The following POFUT3 variants were observed in gnomAD, a reference collection of about 807,000 sequenced individuals.
POFUT3 encodes the protein protein O-fucosyltransferase 3.
At chr8:33,403,413 T>G in the POFUT3 span, among the ~76,000 whole-genome samples, 17 of 152,104 alleles carry the variant, frequency 1.1e-4, no homozygotes, top group Non-Finnish European at 2.2e-4. Flanking sequence ...TACTGATATG[T>G]CTTGAGAAAA....
At chr8:33,422,046 A>C in the POFUT3 span, among the ~76,000 whole-genome samples, 1 of 151,594 alleles carries the variant, frequency 6.6e-6, no homozygotes, top group African/African-American at 2.4e-5. Context: ...AAAAACAAAA[A>C]CAAAAAAAAA....
chr8:33,312,441 G>C, the POFUT3 span, among the ~76,000 whole-genome samples: 2 of 151,980 alleles, frequency 1.3e-5, no homozygotes, highest in African/African-American at 4.8e-5. Flanking sequence ...TTCTTCCCTA[G>C]GCCTTTAAAG....
At chr8:33,419,135 A>G in the POFUT3 span, among the ~76,000 whole-genome samples, 1 of 152,228 alleles carries the variant, frequency 6.6e-6, no homozygotes, top group African/African-American at 2.4e-5. Flanking sequence ...AATGAGGTAG[A>G]AAGAATAAAT....
the POFUT3 span, among the ~76,000 whole-genome samples, chr8:33,447,378 G>A: frequency 1.3e-5 from 2 of 152,112 alleles, no homozygotes; most frequent in African/African-American, 2.4e-5. Context: ...GAACTTGGGA[G>A]GCGGAGCTTG....
the POFUT3 span, among the ~76,000 whole-genome samples, chr8:33,380,272 G>C: frequency 7.1e-5 from 8 of 113,386 alleles, no homozygotes; most frequent in Non-Finnish European, 1.3e-4. Context: ...AGAAAAGGGA[G>C]ACAATATGCA....
chr8:33,375,723 ATAGAG>A, the POFUT3 span, among the ~76,000 whole-genome samples: 1 of 152,198 alleles, frequency 6.6e-6, no homozygotes, highest in Non-Finnish European at 1.5e-5. Context: ...ACTTAGAAAC[ATAGAG>A]TAAATAGGCC....
chr8:33,367,254 C>T, the POFUT3 span, among the ~76,000 whole-genome samples: 21 of 152,296 alleles, frequency 1.4e-4, no homozygotes, highest in South Asian at 2.7e-3. Flanking sequence ...GCAAGGAACA[C>T]CTGGTCCGCC....
the POFUT3 span, among the ~76,000 whole-genome samples, chr8:33,357,373 T>C: frequency 7.2e-5 from 11 of 152,170 alleles, no homozygotes; most frequent in African/African-American, 2.6e-4. Flanking sequence ...ACTATTCTAA[T>C]AAATCTAAGA....
chr8:33,363,710 A>G, the POFUT3 span, among the ~76,000 whole-genome samples: 1 of 152,210 alleles, frequency 6.6e-6, no homozygotes, highest in South Asian at 2.1e-4. Flanking sequence ...CCCTCCCAAG[A>G]CTAAACCAGG....
the POFUT3 span, among the ~76,000 whole-genome samples, chr8:33,361,897 A>G: frequency 6.6e-6 from 1 of 152,084 alleles, no homozygotes; most frequent in African/African-American, 2.4e-5. Context: ...ATCTTATTCC[A>G]ATTTTCAAAT....
chr8:33,387,005 T>C, the POFUT3 span, among the ~76,000 whole-genome samples: 1 of 152,218 alleles, frequency 6.6e-6, no homozygotes, highest in East Asian at 1.9e-4. Context: ...TTCTGTTTTC[T>C]ACCTTGATAT....
chr8:33,321,895 A>C, the POFUT3 span, among the ~76,000 whole-genome samples: 4 of 152,110 alleles, frequency 2.6e-5, no homozygotes, highest in East Asian at 7.7e-4. Context: ...TATAATAAGC[A>C]CCCATATCAC....
the POFUT3 span, among the ~76,000 whole-genome samples, chr8:33,316,166 G>A: frequency 1.3e-5 from 2 of 152,112 alleles, no homozygotes; most frequent in African/African-American, 4.8e-5. Flanking sequence ...GGATAAGAGA[G>A]GTTCTGTATG....
the POFUT3 span, among the ~76,000 whole-genome samples, chr8:33,318,442 A>C: frequency 2.1e-5 from 3 of 142,666 alleles, no homozygotes; most frequent in Non-Finnish European, 3.0e-5. Context: ...ATATGTATTT[A>C]TATGTGTGTG....
the POFUT3 span, chr8:33,461,315 T>C: frequency 2.6e-6 from 4 of 1,529,020 alleles, no homozygotes; most frequent in South Asian, 5.0e-5. Flanking sequence ...AAATAGGGGG[T>C]AGGGGGACAT....
chr8:33,384,662 A>C, the POFUT3 span, among the ~76,000 whole-genome samples: 1 of 152,108 alleles, frequency 6.6e-6, no homozygotes, highest in Non-Finnish European at 1.5e-5. Context: ...TCTACTAAAA[A>C]TATAAAAAAT....
At chr8:33,354,080 C>T in the POFUT3 span, among the ~76,000 whole-genome samples, 3 of 152,062 alleles carry the variant, frequency 2.0e-5, no homozygotes, top group Admixed American at 6.6e-5. Flanking sequence ...CACCTCCCGC[C>T]GACTTTTTGA....
the POFUT3 span, among the ~76,000 whole-genome samples, chr8:33,425,197 G>A: frequency 6.6e-6 from 1 of 151,970 alleles, no homozygotes; most frequent in South Asian, 2.1e-4. Context: ...ATTAGGTCAT[G>A]GTGGTACACG....
chr8:33,460,838 G>C, the POFUT3 span: 3 of 663,876 alleles, frequency 4.5e-6, no homozygotes, highest in South Asian at 2.0e-4. Context: ...TTTACTGGGA[G>C]GTATTTTCTC....
Sources: allele counts gnomAD v4.1 joint callset (sites outside exome capture counted in the v4.1 genomes callset), GRCh38; gene constraint gnomAD v4.1.1; transcripts MANE v1.5; gene names NCBI Gene and HGNC (gene_info 2026-07-23, HGNC 2026-07-21).